Variants in KDM5B observed in about 807,000 individuals in gnomAD.
The protein encoded by KDM5B is lysine demethylase 5B.
KDM5B carries 144 observed loss-of-function variants against 193.4 expected under a neutral mutation model. The observed-to-expected ratio is 0.74, with a 90% CI of 0.65 to 0.86. The LOEUF is 0.86. Among genes scored for constraint, KDM5B ranks in the 40% least tolerant of loss-of-function variants. The pLI is 0.00. For synonymous variants in KDM5B, 668 were observed against 682.6 expected (o/e 0.98, Z 0.33); for missense variants, 1,833 against 1,886.9 (o/e 0.97, Z 0.53).
At chr1:202,807,544 G>A (rs1187474638) in intron 1 of KDM5B, among the ~76,000 whole-genome samples, 2 of 152,102 alleles carry the variant, frequency 1.3e-5, no homozygotes, top group African/African-American at 4.8e-5. Context: ...GGGCGCCCAG[G>A]TGAGGGCCGC....
chr1:202,803,445 T>A (rs1458350862), intron 1 of KDM5B, among the ~76,000 whole-genome samples: 1 of 152,210 alleles, frequency 6.6e-6, no homozygotes, highest in Admixed American at 6.5e-5. Context: ...GCTACTAATG[T>A]GCCCAATTTA....
intron 14 of KDM5B, 79 bp downstream of exon 14, chr1:202,748,866 A>T: frequency 8.6e-7 from 1 of 1,159,076 alleles, no homozygotes; most frequent in Non-Finnish European, 1.2e-6. Flanking sequence ...AAGACTGCTT[A>T]AAATGATATT....
At chr1:202,749,207 AT>A in intron 13 of KDM5B, 68 bp from the exon 14 acceptor site, 1 of 1,355,438 alleles carries the variant, frequency 7.4e-7, no homozygotes, top group East Asian at 2.4e-5. Flanking sequence ...CCTCTGACCC[AT>A]TATTATCAAA....
chr1:202,778,048 G>A (rs775153072), intron 1 of KDM5B, among the ~76,000 whole-genome samples: 5 of 151,904 alleles, frequency 3.3e-5, no homozygotes, highest in Non-Finnish European at 5.9e-5. Context: ...GGTGGCAGGC[G>A]CCTGTAGTCC....
At chr1:202,768,562 A>G (rs1170373693) in intron 4 of KDM5B, among the ~76,000 whole-genome samples, 1 of 152,164 alleles carries the variant, frequency 6.6e-6, no homozygotes, top group Admixed American at 6.5e-5. Flanking sequence ...ATTTATTTCT[A>G]ATAGTTAAGA....
chr1:202,771,452 C>T (rs1261315827), intron 4 of KDM5B, among the ~76,000 whole-genome samples: 1 of 151,288 alleles, frequency 6.6e-6, no homozygotes, highest in Non-Finnish European at 1.5e-5. Context: ...TGTTGGCCAG[C>T]CAGATCTCGA....
chr1:202,746,407 C>CT, intron 14 of KDM5B, 84 bp from the exon 15 acceptor site: 110 of 627,274 alleles, frequency 1.8e-4, no homozygotes, highest in Non-Finnish European at 2.2e-4. Flanking sequence ...GTACTTGAGT[C>CT]TGAAAAAAAA....
intron 12 of KDM5B, among the ~76,000 whole-genome samples, chr1:202,751,064 G>A (rs560144729): frequency 2.0e-5 from 3 of 152,044 alleles, no homozygotes; most frequent in South Asian, 2.1e-4. Flanking sequence ...CTGCAATTAA[G>A]AATATCCTAA....
At chr1:202,753,991 G>T (rs1447808779) in intron 11 of KDM5B, among the ~76,000 whole-genome samples, 1 of 152,130 alleles carries the variant, frequency 6.6e-6, no homozygotes, top group African/African-American at 2.4e-5. Flanking sequence ...AGAATATAAG[G>T]TATCGTATTC....
At chr1:202,799,610 G>A (rs910681511) in intron 1 of KDM5B, among the ~76,000 whole-genome samples, 27 of 149,476 alleles carry the variant, frequency 1.8e-4, no homozygotes, top group Non-Finnish European at 3.4e-4. Flanking sequence ...CCGAGATCAC[G>A]CCACTGCATG....
At chr1:202,754,474 C>A (rs916073373) in intron 11 of KDM5B, among the ~76,000 whole-genome samples, 1 of 152,064 alleles carries the variant, frequency 6.6e-6, no homozygotes, top group Admixed American at 6.6e-5. Context: ...AATGTGCACA[C>A]CAAGATAAGG....
intron 18 of KDM5B, among the ~76,000 whole-genome samples, chr1:202,742,029 C>T (rs574388224): frequency 1.3e-4 from 20 of 151,956 alleles, no homozygotes; most frequent in Admixed American, 9.2e-4. Context: ...GCATGCACCA[C>T]CATGCCCGGC....
intron 1 of KDM5B, among the ~76,000 whole-genome samples, chr1:202,794,208 A>G (rs1226825998): frequency 1.3e-5 from 2 of 152,202 alleles, no homozygotes; most frequent in Non-Finnish European, 2.9e-5. Context: ...AGATATTACC[A>G]TCTGGTTTAA....
At chr1:202,785,461 C>T (rs1184328689) in intron 1 of KDM5B, among the ~76,000 whole-genome samples, 1 of 138,980 alleles carries the variant, frequency 7.2e-6, no homozygotes, top group Non-Finnish European at 1.6e-5. Context: ...AGTCACACTG[C>T]CTGGGTTCAA....
intron 4 of KDM5B, among the ~76,000 whole-genome samples, 162 bp downstream of exon 4, chr1:202,772,956 C>CA (rs1344752881): frequency 1.3e-5 from 2 of 152,184 alleles, no homozygotes; most frequent in Non-Finnish European, 2.9e-5. Context: ...CTTGGCCTCC[C>CA]AAAGTGTTGG....
At chr1:202,741,778 C>A in intron 18 of KDM5B, 56 bp from the exon 19 acceptor site, 2 of 963,194 alleles carry the variant, frequency 2.1e-6, no homozygotes, top group Non-Finnish European at 3.1e-6. Context: ...TAATTGGCTT[C>A]TTTCAAACTT....
At chr1:202,749,866 A>G (rs1307688953) in intron 13 of KDM5B, among the ~76,000 whole-genome samples, 1 of 152,244 alleles carries the variant, frequency 6.6e-6, no homozygotes, top group Non-Finnish European at 1.5e-5. Flanking sequence ...CCATTATAAC[A>G]AAGTTATAAT....
intron 5 of KDM5B, chr1:202,766,609 T>C: frequency 2.2e-6 from 1 of 447,258 alleles, no homozygotes; most frequent in Non-Finnish European, 4.1e-6. Context: ...TAATCTCCAT[T>C]AAACAACGCC....
At chr1:202,746,390 T>A in intron 14 of KDM5B, 67 bp from the exon 15 acceptor site, 1 of 971,492 alleles carries the variant, frequency 1.0e-6, no homozygotes, top group South Asian at 2.4e-5. Flanking sequence ...AAGACAAACA[T>A]GCAGTAGTAC....
Sources: allele counts gnomAD v4.1 joint callset (sites outside exome capture counted in the v4.1 genomes callset), GRCh38; gene constraint gnomAD v4.1.1; transcripts MANE v1.5; gene names NCBI Gene and HGNC (gene_info 2026-07-23, HGNC 2026-07-21).